CCDC171: variants seen among roughly 807,000 people sequenced by gnomAD.
CCDC171 encodes coiled-coil domain containing 171.
Under a neutral mutation model 168.2 loss-of-function variants are expected in CCDC171, and 177 were observed. That is an observed-to-expected ratio of 1.05 (90% confidence interval 0.93 to 1.19). The LOEUF is 1.19. CCDC171 is among the 50% of genes most tolerant of loss of function. CCDC171 has a pLI of 0.00. For synonymous variants in CCDC171, 687 were observed against 540.8 expected (o/e 1.27, Z -3.75); for missense variants, 1,991 against 1,539.0 (o/e 1.29, Z -4.91).
At chr9:15,628,404 G>A (rs1270729217) in intron 7 of CCDC171, among the ~76,000 whole-genome samples, 1 of 152,152 alleles carries the variant, frequency 6.6e-6, no homozygotes, top group Non-Finnish European at 1.5e-5. Context: ...AGGGTCCTGT[G>A]CCCATGGAGT....
At chr9:16,089,443 G>GTCAT in the CCDC171 span, among the ~76,000 whole-genome samples, 1 of 151,610 alleles carries the variant, frequency 6.6e-6, no homozygotes, top group Non-Finnish European at 1.5e-5. Context: ...TAGTCATGAA[G>GTCAT]TCATTGCCCA....
At chr9:15,896,743 T>C (rs886462246) in intron 24 of CCDC171, among the ~76,000 whole-genome samples, 1 of 152,088 alleles carries the variant, frequency 6.6e-6, no homozygotes, top group Non-Finnish European at 1.5e-5. Flanking sequence ...TAGTTACACA[T>C]TGTTTTTACC....
chr9:15,608,944 C>CAAAAA (rs71491669), intron 6 of CCDC171, among the ~76,000 whole-genome samples: 326 of 13,636 alleles, frequency 0.024, 59 homozygotes, highest in Middle Eastern at 0.071. Context: ...GACCCTGTCT[C>CAAAAA]AAAAAAAAAA....
rs59845671 is a variant in CCDC171, at chr9:15,870,792, C to CTT, written c.3469-3731_3469-3730dup. ...CATAGTTGATATCTAGCAGAAATAG[C>CTT]TTTTTTTTTTGTTTTGGTAGGAGCA... On this transcript the variant is annotated intron_variant, in intron 23 of 25. Coordinates refer to ENST00000380701, the MANE Select transcript of CCDC171 (RefSeq NM_173550.4). Among the ~76,000 whole-genome samples the CTT allele has an allele frequency of 1.4e-3, 208 of 147,578 alleles. 1 individual carries two copies. Among genetic ancestry groups the CTT allele is most frequent in the East Asian group, 4.2e-3 (21 of 5,058 alleles).
intron 25 of CCDC171, among the ~76,000 whole-genome samples, chr9:15,963,546 C>G (rs1416931821): frequency 1.3e-4 from 20 of 152,154 alleles, no homozygotes. Context: ...AACTACATGG[C>G]ATGAGTTTGC....
intron 6 of CCDC171, among the ~76,000 whole-genome samples, chr9:15,604,131 G>A (rs2043059601): frequency 6.9e-6 from 1 of 145,336 alleles, no homozygotes; most frequent in Non-Finnish European, 1.5e-5. Context: ...TAATTTCCTT[G>A]TAGATTCTGG....
At chr9:15,656,889 T>TC (rs1416598770) in intron 7 of CCDC171, among the ~76,000 whole-genome samples, 1 of 152,064 alleles carries the variant, frequency 6.6e-6, no homozygotes, top group Non-Finnish European at 1.5e-5. Flanking sequence ...AAGTATATTT[T>TC]CACTATGTGT....
chr9:15,554,107 C>T (rs2132349058), intron 1 of CCDC171, among the ~76,000 whole-genome samples: 1 of 152,000 alleles, frequency 6.6e-6, no homozygotes, highest in South Asian at 2.1e-4. Context: ...GCAAGCTCCG[C>T]CTCCCGGGTT....
intron 21 of CCDC171, among the ~76,000 whole-genome samples, chr9:15,841,287 G>A (rs2060670353): frequency 6.6e-6 from 1 of 151,918 alleles, no homozygotes; most frequent in Non-Finnish European, 1.5e-5. Flanking sequence ...AAATAAATGA[G>A]GCAGAAATAA....
chr9:15,663,301 C>T (rs2048462964), intron 8 of CCDC171, among the ~76,000 whole-genome samples: 1 of 151,756 alleles, frequency 6.6e-6, no homozygotes, highest in African/African-American at 2.4e-5. Flanking sequence ...TTTTTCTATC[C>T]CCACCCCGTC....
intron 11 of CCDC171, among the ~76,000 whole-genome samples, chr9:15,696,604 T>C (rs1325182075): frequency 6.6e-6 from 1 of 152,194 alleles, no homozygotes; most frequent in Non-Finnish European, 1.5e-5. Context: ...TGGTGTTTAA[T>C]GGTGTTAGGA....
intron 7 of CCDC171, among the ~76,000 whole-genome samples, chr9:15,623,675 A>G (rs2132088627): frequency 6.6e-6 from 1 of 152,340 alleles, no homozygotes; most frequent in South Asian, 2.1e-4. Context: ...ACTTTTGAAC[A>G]ATTAACTCTC....
chr9:15,700,587 A>T (rs1200104472), intron 11 of CCDC171, among the ~76,000 whole-genome samples: 2 of 152,222 alleles, frequency 1.3e-5, no homozygotes, highest in African/African-American at 4.8e-5. Context: ...GAGGACTGCC[A>T]GCACGCTGTC....
downstream of CCDC171, among the ~76,000 whole-genome samples, chr9:16,065,142 AG>A (rs1039799597): frequency 1.3e-5 from 2 of 152,220 alleles, no homozygotes; most frequent in African/African-American, 4.8e-5. Context: ...CCTTTCCCAT[AG>A]CCACTTACCA....
rs985643192 is a variant in CCDC171, at chr9:15,642,427, G to A, written c.823-14700G>A. Among the ~76,000 whole-genome samples, 9 of 137,968 alleles carry A rather than the reference G, an allele frequency of 6.5e-5. No individual in the cohort carries two copies. In the East Asian group the frequency reaches 1.8e-3, roughly 28 times the overall value. 90.5% of individuals were successfully genotyped at this position (137,968 alleles called of 152,430 possible). A position where few individuals can be genotyped will look rare whatever the true frequency, so the allele number is the denominator to read the frequency against. ...TTGTTCCGCTTTCTGCCCTTTCTTT[G>A]TTGATTACATTAGGATTGGATGCCT... On this transcript the variant is annotated intron_variant, in intron 7 of 25. Coordinates refer to ENST00000380701, the MANE Select transcript of CCDC171 (RefSeq NM_173550.4).
intron 9 of CCDC171, among the ~76,000 whole-genome samples, chr9:15,667,602 C>T (rs537676209): frequency 1.5e-4 from 23 of 152,070 alleles, no homozygotes; most frequent in African/African-American, 2.9e-4. Flanking sequence ...GCTGAGATCG[C>T]GCCATTGCAC....
In CCDC171 at chr9:16,004,508, A is replaced by G. The variant is rs182448537; in HGVS notation, n.369-16081A>G. On this transcript the variant is annotated intron_variant and non_coding_transcript_variant, in intron 3 of 9. Transcript: ENST00000486641. ...TCCAGCGATCTGCTTTCCTTCCTCA[A>G]CCTTGCATTGATTTTGTGCTGCTTG... Among the ~76,000 whole-genome samples, 126 of 152,176 alleles carry G rather than the reference A, an allele frequency of 8.3e-4. 1 individual carries two copies. The highest frequency in any genetic ancestry group is 3.7e-3 in the Admixed American group (57 of 15,282).
the CCDC171 span, among the ~76,000 whole-genome samples, chr9:16,076,935 A>G: frequency 6.6e-6 from 1 of 152,298 alleles, no homozygotes; most frequent in East Asian, 1.9e-4. Flanking sequence ...ACATGGATTC[A>G]TTACCTGGAG....
At position 15,724,960 on chromosome 9, in the gene CCDC171, T is replaced by G; in HGVS notation, c.1676T>G (p.Phe559Cys). 1 of 1,613,742 alleles carries G rather than the reference T, an allele frequency of 6.2e-7. No homozygotes were observed. The highest frequency in any genetic ancestry group is 1.1e-5 in the South Asian group (1 of 91,072). ...GAACTGCAGAAGCTTTCCCAGGCTT[T>G]CCATAAGGATGCAGAGGTATTACCT... ...ESELQKLSQA[F>C]HKDAEEKLTF... The change falls in exon 14 of 26, where the codon TTC becomes TGC. Residue 559 changes from phenylalanine to cysteine, a missense_variant. Physicochemically the swap from Phe to Cys is radical, Grantham distance 205. Coordinates refer to ENST00000380701, the MANE Select transcript of CCDC171 (RefSeq NM_173550.4).
Sources: allele counts gnomAD v4.1 joint callset (sites outside exome capture counted in the v4.1 genomes callset), GRCh38; gene constraint gnomAD v4.1.1; transcripts MANE v1.5; gene names NCBI Gene and HGNC (gene_info 2026-07-23, HGNC 2026-07-21).